Variants in TMEM65 observed in about 807,000 individuals in gnomAD.
TMEM65 encodes the protein transmembrane protein 65.
A neutral mutation model predicts 25.4 loss-of-function variants in TMEM65; 22 were observed. That is an observed-to-expected ratio of 0.86 (90% CI 0.62 to 1.23). The LOEUF (loss-of-function observed/expected upper bound fraction) is 1.23, where lower values mean the gene tolerates loss of function less well. Among genes scored for constraint, TMEM65 ranks in the 50% most tolerant of loss-of-function variants. The pLI, the probability that TMEM65 is intolerant of heterozygous loss-of-function variation, is 0.00. For missense variants in TMEM65, 262 were observed against 308.2 expected (o/e 0.85, Z 1.12); for synonymous variants, 132 against 126.2 (o/e 1.05, Z -0.31).
intron 6 of TMEM65, among the ~76,000 whole-genome samples, chr8:124,316,077 G>T (rs1814234046): frequency 6.6e-6 from 1 of 152,118 alleles, no homozygotes; most frequent in Non-Finnish European, 1.5e-5. Flanking sequence ...ACCAGTCAGT[G>T]ATTTCTGACC....
chr8:124,362,302 T>C (rs1039262006), intron 1 of TMEM65, among the ~76,000 whole-genome samples: 1 of 152,098 alleles, frequency 6.6e-6, no homozygotes. Flanking sequence ...TGTTTCAAAA[T>C]GAAGGAATTT....
At chr8:124,353,907 A>G (rs1778214732) in intron 1 of TMEM65, among the ~76,000 whole-genome samples, 1 of 152,232 alleles carries the variant, frequency 6.6e-6, no homozygotes, top group Non-Finnish European at 1.5e-5. Context: ...TAAATTATAA[A>G]AAGGAAAACA....
intron 6 of TMEM65, among the ~76,000 whole-genome samples, chr8:124,315,135 G>A (rs2131191989): frequency 6.6e-6 from 1 of 152,228 alleles, no homozygotes; most frequent in Non-Finnish European, 1.5e-5. Flanking sequence ...GGTGTACCAT[G>A]GAGATGGACT....
chr8:124,339,234 T>A (rs1422126947), intron 1 of TMEM65, among the ~76,000 whole-genome samples: 36 of 45,590 alleles, frequency 7.9e-4, no homozygotes, highest in Non-Finnish European at 1.3e-3. Flanking sequence ...TATATATATA[T>A]ATATATATAT....
intron 1 of TMEM65, among the ~76,000 whole-genome samples, chr8:124,357,829 C>CTTTTTTTTTTTT (rs35830531): frequency 1.1e-4 from 12 of 105,814 alleles, no homozygotes; most frequent in East Asian, 3.0e-4. Context: ...ACTTTTTTAT[C>CTTTTTTTTTTTT]TTTTTTTTTT....
At chr8:124,322,850 G>C (rs1390213659) in intron 4 of TMEM65, among the ~76,000 whole-genome samples, 1 of 151,936 alleles carries the variant, frequency 6.6e-6, no homozygotes, top group East Asian at 1.9e-4. Flanking sequence ...ACAAAAATTA[G>C]CCAGGAATGA....
chr8:124,363,820 G>C (rs1360633948), intron 1 of TMEM65, among the ~76,000 whole-genome samples: 3 of 108,952 alleles, frequency 2.8e-5, no homozygotes, highest in African/African-American at 1.1e-4. Context: ...CAGGGCGACA[G>C]AGCGAGACTC....
chr8:124,318,593 C>G (rs1178246444), intron 6 of TMEM65, among the ~76,000 whole-genome samples: 2 of 151,904 alleles, frequency 1.3e-5, no homozygotes, highest in African/African-American at 4.8e-5. Context: ...TCAGACTGGT[C>G]TCAAACTCCT....
intron 3 of TMEM65, among the ~76,000 whole-genome samples, chr8:124,323,935 C>G (rs551960770): frequency 6.6e-6 from 1 of 152,118 alleles, no homozygotes. Flanking sequence ...AAAGCCCCAT[C>G]GTATCGCCAC....
intron 6 of TMEM65, among the ~76,000 whole-genome samples, chr8:124,317,984 C>T (rs1464000814): frequency 6.6e-6 from 1 of 152,024 alleles, no homozygotes; most frequent in African/African-American, 2.4e-5. Context: ...CTAACACTAA[C>T]GATAGCTGAT....
chr8:124,319,601 A>G (rs1045969377), intron 6 of TMEM65, among the ~76,000 whole-genome samples: 2 of 152,076 alleles, frequency 1.3e-5, no homozygotes, highest in Admixed American at 6.6e-5. Flanking sequence ...TAAATGTCTC[A>G]TCTATAATTC....
At chr8:124,330,885 G>T in intron 1 of TMEM65, 93 bp from the exon 2 acceptor site, 1 of 1,172,378 alleles carries the variant, frequency 8.5e-7, no homozygotes, top group Non-Finnish European at 1.2e-6. Flanking sequence ...GATTTACAAC[G>T]TGGGAGAATA....
chr8:124,346,811 A>C (rs1477037596), intron 1 of TMEM65, among the ~76,000 whole-genome samples: 1 of 152,212 alleles, frequency 6.6e-6, no homozygotes, highest in Non-Finnish European at 1.5e-5. Flanking sequence ...ATAGATATTA[A>C]ACTAGTGAGT....
At position 124,312,196 on chromosome 8, in the gene TMEM65, C is replaced by CAG. The variant is rs983700111; in HGVS notation, c.*1763_*1764insCT. The stretch of plus-strand genomic sequence containing the variant: ...TACAAAGGATTTTTTGTGTGGTTAT[C>CAG]TGTGTGTGGTTATTATATGGAAGAT... On this transcript the variant is annotated 3_prime_UTR_variant, in exon 7 of 7. Coordinates refer to ENST00000297632, the MANE Select transcript of TMEM65 (RefSeq NM_194291.3). 7.0e-5 allele frequency: 10 copies of CAG among 143,266 alleles called. No individual in the cohort carries two copies. The highest frequency in any genetic ancestry group is 2.5e-4 in the African/African-American group (10 of 39,344). The allele number at this position is 143,266 out of a possible 1,614,324, so 8.9% of individuals were successfully genotyped here.
In TMEM65 at chr8:124,372,240, G is replaced by C; in HGVS notation, c.-83C>G. On this transcript the variant is annotated 5_prime_UTR_variant, in exon 1 of 7. Transcript: ENST00000297632. ...CTGAGGCGAGAAGGAGCTGGGCTCAGCTCGACCCCGCCCCGAGGTCCTCCT... is the reference window on the plus strand; with the variant it reads ...CTGAGGCGAGAAGGAGCTGGGCTCACCTCGACCCCGCCCCGAGGTCCTCCT... 1 of 1,175,542 alleles carries C rather than the reference G, an allele frequency of 8.5e-7. No homozygotes were observed. The highest frequency in any genetic ancestry group is 1.1e-6 in the Non-Finnish European group (1 of 943,532). The allele number at this position is 1,175,542 out of a possible 1,614,324, so 72.8% of individuals were successfully genotyped here.
chr8:124,339,722 T>C (rs1334298199), intron 1 of TMEM65, among the ~76,000 whole-genome samples: 1 of 152,032 alleles, frequency 6.6e-6, no homozygotes, highest in Non-Finnish European at 1.5e-5. Flanking sequence ...TGGATTGGAT[T>C]GGATCCAGTT....
At chr8:124,358,344 A>G (rs966371201) in intron 1 of TMEM65, among the ~76,000 whole-genome samples, 3 of 152,192 alleles carry the variant, frequency 2.0e-5, no homozygotes, top group African/African-American at 7.2e-5. Context: ...GTGTTTTTAA[A>G]TTAAGTTTAG....
At chr8:124,337,970 T>C (rs1346904100) in intron 1 of TMEM65, among the ~76,000 whole-genome samples, 1 of 151,912 alleles carries the variant, frequency 6.6e-6, no homozygotes, top group African/African-American at 2.4e-5. Context: ...TCTAAAATAC[T>C]TAATTTATTT....
chr8:124,338,928 C>T (rs1004936958), intron 1 of TMEM65, among the ~76,000 whole-genome samples: 10 of 151,914 alleles, frequency 6.6e-5, no homozygotes, highest in East Asian at 1.9e-4. Flanking sequence ...TGGTGGCTCA[C>T]GCCTGTAATC....
Sources: gnomAD v4.1 joint callset for allele counts (sites outside exome capture counted in the v4.1 genomes callset) on GRCh38, gnomAD v4.1.1 for gene constraint, MANE v1.5 for transcripts, NCBI Gene and HGNC (gene_info 2026-07-23, HGNC 2026-07-21) for gene names.